Variants in LITAF observed in about 807,000 individuals in gnomAD.
LITAF encodes lipopolysaccharide-induced tumor necrosis factor-alpha factor.
Under a neutral mutation model 14.5 loss-of-function variants are expected in LITAF, and 9 were observed. The observed-to-expected ratio is 0.62, with a 90% confidence interval of 0.37 to 1.08. The LOEUF (loss-of-function observed/expected upper bound fraction) is 1.08. Among genes scored for constraint, LITAF ranks in the 50% least tolerant of loss-of-function variants. The pLI is 0.01. For synonymous variants in LITAF, 98 were observed against 88.2 expected (o/e 1.11, Z -0.62); for missense variants, 206 against 213.4 (o/e 0.97, Z 0.22).
At chr16:11,625,720 T>C (rs914492797) in intron 3 of LITAF, among the ~76,000 whole-genome samples, 2 of 152,100 alleles carry the variant, frequency 1.3e-5, no homozygotes, top group Non-Finnish European at 2.9e-5. Flanking sequence ...AACCTTCCCT[T>C]TTAATCTTTC....
intron 1 of LITAF, among the ~76,000 whole-genome samples, chr16:11,595,311 CA>C (rs1347139961): frequency 6.6e-6 from 1 of 152,216 alleles, no homozygotes. Context: ...AATTCTGGCT[CA>C]GTGGCCTGGC....
chr16:11,582,062 A>G (rs1898625071), intron 1 of LITAF, among the ~76,000 whole-genome samples: 1 of 152,152 alleles, frequency 6.6e-6, no homozygotes, highest in African/African-American at 2.4e-5. Flanking sequence ...TTCAGTGTAT[A>G]TTTTCAAATA....
chr16:11,628,089 G>C (rs1374639140), intron 3 of LITAF, among the ~76,000 whole-genome samples: 2 of 148,172 alleles, frequency 1.3e-5, no homozygotes, highest in Admixed American at 1.4e-4. Flanking sequence ...AGAACACAAA[G>C]ACACATTTGC....
chr16:11,596,410 A>T, intron 1 of LITAF, among the ~76,000 whole-genome samples: 1 of 141,612 alleles, frequency 7.1e-6, no homozygotes, highest in Non-Finnish European at 1.5e-5. Context: ...AAACATACCC[A>T]GGTCACAGCA....
chr16:11,556,630 G>A lies in LITAF; in HGVS notation c.101C>T (p.Pro34Leu). Residue 34 changes from proline (P) to leucine (L), a missense_variant, in exon 2 of 4, where the codon CCC becomes CTC. By Grantham distance (98) the Pro-to-Leu change is moderately conservative. Coordinates refer to ENST00000622633, the MANE Select transcript of LITAF (RefSeq NM_001136472.2). ...EETVAVNSYYPTPPAPMPGPT... is the reference protein window; with the variant it reads ...EETVAVNSYYLTPPAPMPGPT... ...CCCAGGCATGGGAGCTGGAGGTGTG[G>A]GGTAATAACTGTTAACAGCCACTGT... 6.2e-7 allele frequency: 1 copy of A among 1,614,214 alleles called. No homozygotes were observed.
intron 1 of LITAF, among the ~76,000 whole-genome samples, chr16:11,582,330 A>G (rs2064750944): frequency 6.6e-6 from 1 of 151,452 alleles, no homozygotes; most frequent in Non-Finnish European, 1.5e-5. Flanking sequence ...AAAAAAAAAA[A>G]AAAAAAAAGA....
At chr16:11,610,672 C>A (rs2064977658) in intron 3 of LITAF, among the ~76,000 whole-genome samples, 1 of 152,166 alleles carries the variant, frequency 6.6e-6, no homozygotes, top group African/African-American at 2.4e-5. Context: ...TGGTCATAAT[C>A]TAGAAGTGGA....
Position 11,553,500 on chromosome 16 carries a change from G to C in LITAF, c.377+33C>G. 1 of 1,612,976 alleles carries C rather than the reference G, an allele frequency of 6.2e-7. No individual in the cohort carries two copies. The highest frequency in any genetic ancestry group is 1.1e-5 in the South Asian group (1 of 90,996). Reference sequence around the variant, plus strand: ...CGCCAGCACCCAGAGAGAAGGGCAGGATGGCTTGGGGCCAAGTGGGAGGCA... The same window carrying C: ...CGCCAGCACCCAGAGAGAAGGGCAGCATGGCTTGGGGCCAAGTGGGAGGCA... On this transcript the variant is annotated intron_variant, in intron 3 of 3. Transcript: ENST00000622633. This position sits in a 1 kb window ranked among gnomAD's most constrained non-coding sequence, Gnocchi z 7.7.
chr16:11,639,142 T>C (rs987179995), upstream of LITAF, among the ~76,000 whole-genome samples: 7 of 151,152 alleles, frequency 4.6e-5, no homozygotes, highest in African/African-American at 1.7e-4. Flanking sequence ...AATGGATGCA[T>C]AGATGGTCAG....
intron 3 of LITAF, among the ~76,000 whole-genome samples, chr16:11,611,143 G>C (rs975994726): frequency 6.6e-6 from 1 of 151,994 alleles, no homozygotes; most frequent in Non-Finnish European, 1.5e-5. Context: ...GAGGCCAGGA[G>C]TTCAAGACCA....
At chr16:11,611,248 T>C (rs2064980710) in intron 3 of LITAF, among the ~76,000 whole-genome samples, 2 of 151,984 alleles carry the variant, frequency 1.3e-5, no homozygotes, top group Admixed American at 1.3e-4. Context: ...GAGGCTGAGC[T>C]GGGAGGATGA....
chr16:11,611,756 G>A (rs8052599), intron 3 of LITAF, among the ~76,000 whole-genome samples: 6,567 of 151,416 alleles, frequency 0.043, 501 homozygotes, highest in African/African-American at 0.15. Context: ...TCCACCTCTC[G>A]GGTTCAAGTG....
intron 1 of LITAF, among the ~76,000 whole-genome samples, chr16:11,593,302 G>A (rs1305547604): frequency 6.9e-6 from 1 of 144,488 alleles, no homozygotes; most frequent in African/African-American, 2.6e-5. Flanking sequence ...GTTGCAGTGA[G>A]CCGAGATTGC....
intron 1 of LITAF, among the ~76,000 whole-genome samples, chr16:11,585,830 T>C (rs569963031): frequency 1.2e-4 from 18 of 152,248 alleles, no homozygotes; most frequent in African/African-American, 4.1e-4. Flanking sequence ...ACCCCGTGGC[T>C]TCCACAAACT....
chr16:11,573,031 C>A (rs1313973078), intron 1 of LITAF, among the ~76,000 whole-genome samples: 1 of 151,174 alleles, frequency 6.6e-6, no homozygotes, highest in African/African-American at 2.4e-5. Flanking sequence ...CAGGTTCAAG[C>A]AATTCTCATG....
chr16:11,639,702 T>C (rs946761151), upstream of LITAF, among the ~76,000 whole-genome samples: 5 of 151,986 alleles, frequency 3.3e-5, no homozygotes, highest in Non-Finnish European at 7.4e-5. Context: ...ATCTTTAAAA[T>C]AATCTTTTTA....
At chr16:11,578,628 ACT>A (rs1171190705) in intron 1 of LITAF, among the ~76,000 whole-genome samples, 1 of 151,756 alleles carries the variant, frequency 6.6e-6, no homozygotes, top group Non-Finnish European at 1.5e-5. Context: ...GGAATACTTT[ACT>A]CTCTCCCTTG....
upstream of LITAF, among the ~76,000 whole-genome samples, chr16:11,637,099 C>T (rs1437381889): frequency 6.6e-6 from 1 of 152,148 alleles, no homozygotes; most frequent in Non-Finnish European, 1.5e-5. Context: ...CCATGTTGGC[C>T]GGGCTGGTCT....
At chr16:11,568,498 T>C (rs191960298) in intron 1 of LITAF, among the ~76,000 whole-genome samples, 14 of 151,994 alleles carry the variant, frequency 9.2e-5, no homozygotes, top group African/African-American at 3.1e-4. Flanking sequence ...GAAATGACAC[T>C]GGCTTTCTTC....
Sources: gnomAD v4.1 joint callset for allele counts (sites outside exome capture counted in the v4.1 genomes callset) on GRCh38, gnomAD v4.1.1 for gene constraint, Gnocchi (gnomAD v3.1) non-coding constraint, MANE v1.5 for transcripts, NCBI Gene and HGNC (gene_info 2026-07-23, HGNC 2026-07-21) for gene names.